Variants in SVEP1 observed in about 807,000 individuals in gnomAD.
SVEP1 encodes sushi, von Willebrand factor type A, EGF and pentraxin domain-containing protein 1.
In SVEP1, 164 loss-of-function variants were observed where a neutral mutation model predicts 367.3. The ratio of observed to expected loss-of-function variants is 0.45; its 90% confidence interval spans 0.39 to 0.51. The LOEUF (loss-of-function observed/expected upper bound fraction) is 0.51. SVEP1 is among the 20% of genes least tolerant of loss of function. The probability of loss-of-function intolerance (pLI) is 0.00; values close to 1 mark genes in which losing one functional copy is unlikely to be tolerated. For missense variants in SVEP1, 4,117 were observed against 4,425.3 expected (o/e 0.93, Z 1.98); for synonymous variants, 1,666 against 1,611.6 (o/e 1.03, Z -0.81).
Position 110,439,472 on chromosome 9 carries a change from C to T in SVEP1, c.4640-2968G>A, listed in dbSNP as rs147598357. 4.9e-3 allele frequency among the ~76,000 whole-genome samples: 744 copies of T among 152,172 alleles called. 6 individuals are homozygous for T. Among genetic ancestry groups the T allele is most frequent in the Non-Finnish European group, 7.6e-3 (519 of 68,004 alleles). ...GCAGTGGCGCAATCTCACCTCACTGCGACCTCTGCCTCCTGGGTTCAAGCA... is the reference window on the plus strand; with the variant it reads ...GCAGTGGCGCAATCTCACCTCACTGTGACCTCTGCCTCCTGGGTTCAAGCA... On this transcript the variant is annotated intron_variant, in intron 27 of 47. Coordinates refer to ENST00000374469, the MANE Select transcript of SVEP1 (RefSeq NM_153366.4).
chr9:110,434,666 T>TTAAAAAAA (rs1156938869), intron 29 of SVEP1, among the ~76,000 whole-genome samples, 160 bp from the exon 30 acceptor site: 1 of 40,620 alleles, frequency 2.5e-5, no homozygotes, highest in African/African-American at 1.0e-4. Flanking sequence ...GCAAAATCAC[T>TTAAAAAAA]AAAAAAAAAA....
chr9:110,573,480 C>T (rs1307944954), intron 1 of SVEP1, among the ~76,000 whole-genome samples: 1 of 152,144 alleles, frequency 6.6e-6, no homozygotes, highest in Non-Finnish European at 1.5e-5. Context: ...GTCCTCTGAC[C>T]ATCTAAAGCT....
intron 2 of SVEP1, among the ~76,000 whole-genome samples, chr9:110,547,104 A>G (rs1830230056): frequency 6.6e-6 from 1 of 152,174 alleles, no homozygotes. Context: ...CTGCAATTGG[A>G]CACCTTGGAA....
intron 1 of SVEP1, among the ~76,000 whole-genome samples, chr9:110,550,478 T>TTATCTATC (rs10550734): frequency 0.02 from 2,917 of 148,938 alleles, 34 homozygotes; most frequent in East Asian, 0.034. Context: ...ATTCCACAAA[T>TTATCTATC]TATCTATCTA....
intron 18 of SVEP1, among the ~76,000 whole-genome samples, chr9:110,464,934 TC>T: frequency 6.6e-6 from 1 of 152,322 alleles, no homozygotes; most frequent in East Asian, 1.9e-4. Flanking sequence ...AATTTCATTG[TC>T]ATTCTAAGTT....
In SVEP1 at chr9:110,408,576, C is replaced by T; in HGVS notation, c.7024G>A (p.Val2342Ile). ...QLVLKELTTEVGVVTFSCKEG... is the reference protein window; with the variant it reads ...QLVLKELTTEIGVVTFSCKEG... Reference sequence around the variant, plus strand: ...TTACAGGAAAATGTCACAACTCCTACCTCGGTGGTCAACTCCTTTAATACT... The same window carrying T: ...TTACAGGAAAATGTCACAACTCCTATCTCGGTGGTCAACTCCTTTAATACT... Residue 2342 changes from valine to isoleucine, a missense_variant, in exon 38 of 48, where the codon GTA (valine) becomes ATA (isoleucine). By Grantham distance (29) the Val-to-Ile change is conservative. This residue lies in a region of SVEP1 where 1,765 missense variants were observed against 1,781.1 expected (regional missense o/e 0.99). Coordinates refer to ENST00000374469, the MANE Select transcript of SVEP1 (RefSeq NM_153366.4). 1 of 1,613,932 alleles carries T rather than the reference C, an allele frequency of 6.2e-7. No homozygotes were observed.
chr9:110,573,402 T>A (rs1554724404), intron 1 of SVEP1, among the ~76,000 whole-genome samples: 1 of 151,960 alleles, frequency 6.6e-6, no homozygotes, highest in Admixed American at 6.6e-5. Context: ...GAATATCTAC[T>A]AGTGTGGACA....
At chr9:110,476,159 T>C (rs747984415) in intron 14 of SVEP1, 45 bp downstream of exon 14, 3 of 1,181,674 alleles carry the variant, frequency 2.5e-6, no homozygotes, top group South Asian at 2.5e-5. Context: ...ATTCTTATTT[T>C]GCAGATTAGT....
chr9:110,510,817 G>C (rs1235705410), intron 5 of SVEP1, among the ~76,000 whole-genome samples: 1 of 152,208 alleles, frequency 6.6e-6, no homozygotes, highest in Non-Finnish European at 1.5e-5. Flanking sequence ...ACAGAACTTA[G>C]AACTATTGAC....
intron 3 of SVEP1, among the ~76,000 whole-genome samples, chr9:110,517,076 A>G (rs145674995): frequency 4.2e-4 from 64 of 152,300 alleles, no homozygotes; most frequent in African/African-American, 1.4e-3. Flanking sequence ...AAAATTATGA[A>G]CCCCAAGTTT....
chr9:110,497,070 G>T (rs1829461542), intron 7 of SVEP1, 137 bp from the exon 8 acceptor site: 1 of 541,760 alleles, frequency 1.8e-6, no homozygotes, highest in Admixed American at 3.1e-5. Flanking sequence ...TTCGGAATCT[G>T]CACCCACCTG....
rs1360985159 is a variant in SVEP1 at position 110,563,447 on chromosome 9, TAGA to T, written c.532-13346_532-13344del. 5.9e-5 allele frequency among the ~76,000 whole-genome samples: 9 copies of T among 152,208 alleles called. 1 individual carries two copies. Among genetic ancestry groups the T allele is most frequent in the East Asian group, 1.9e-4 (1 of 5,178 alleles). On this transcript the variant is annotated intron_variant, in intron 1 of 47. Coordinates refer to ENST00000374469, the MANE Select transcript of SVEP1 (RefSeq NM_153366.4). ...AAATTATTTTAGAGAAACATGCAAA[TAGA>T]AGAAGAAAGTTAGTAAAGACTTTTA...
At chr9:110,578,352 T>G (rs1830650063) in intron 1 of SVEP1, among the ~76,000 whole-genome samples, 1 of 133,194 alleles carries the variant, frequency 7.5e-6, no homozygotes, top group Non-Finnish European at 1.6e-5. Context: ...TTTTTTAAAG[T>G]GATGAAATTT....
rs1554714540 is a variant in SVEP1 at position 110,432,050 on chromosome 9, C to A, written c.5234-16G>T. 1.3e-6 allele frequency: 2 copies of A among 1,579,064 alleles called. No individual in the cohort carries two copies. The highest frequency in any genetic ancestry group is 2.2e-5 in the East Asian group (1 of 44,452). On this transcript the variant is annotated splice_polypyrimidine_tract_variant and intron_variant, in intron 31 of 47. Coordinates refer to ENST00000374469, the MANE Select transcript of SVEP1 (RefSeq NM_153366.4). The stretch of plus-strand genomic sequence containing the variant: ...TCATCGACATCTAAAATGAAGACAG[C>A]TTATAAATATTAAAGTTGATTCCTT...
chr9:110,375,643 A>G (rs190085561), intron 45 of SVEP1, among the ~76,000 whole-genome samples, 180 bp from the exon 46 acceptor site: 5 of 152,194 alleles, frequency 3.3e-5, no homozygotes, highest in Admixed American at 3.3e-4. Flanking sequence ...TCATTGGGAA[A>G]ATACAATCAG....
intron 18 of SVEP1, among the ~76,000 whole-genome samples, chr9:110,461,320 G>A (rs1221053290): frequency 1.3e-5 from 2 of 152,120 alleles, no homozygotes; most frequent in East Asian, 3.8e-4. Context: ...CCTTTCCTTG[G>A]ATAAACTGGC....
chr9:110,553,584 G>A (rs1830318244), intron 1 of SVEP1, among the ~76,000 whole-genome samples: 2 of 152,126 alleles, frequency 1.3e-5, no homozygotes, highest in South Asian at 4.2e-4. Context: ...GAGAGAAGGA[G>A]GTCACTTTAA....
chr9:110,397,220 T>C (rs1324628084), intron 40 of SVEP1, among the ~76,000 whole-genome samples: 6 of 152,162 alleles, frequency 3.9e-5, no homozygotes, highest in African/African-American at 1.4e-4. Context: ...ATCCAGCATA[T>C]AAACAGAACC....
intron 5 of SVEP1, among the ~76,000 whole-genome samples, chr9:110,511,487 CCTTTTTTTTTTTTTTTTTT>C (rs1564163451): frequency 1.4e-5 from 1 of 69,528 alleles, no homozygotes. Flanking sequence ...TGTGTCAGTA[CCTTTTTTTTTTTTTTTTTT>C]TTTTTTTTTT....
Sources: gnomAD v4.1 joint callset for allele counts (sites outside exome capture counted in the v4.1 genomes callset) on GRCh38, gnomAD v4.1.1 for gene constraint, gnomAD v4.1.1 regional missense constraint, MANE v1.5 for transcripts, NCBI Gene and HGNC (gene_info 2026-07-23, HGNC 2026-07-21) for gene names.